HDC: variants seen among roughly 807,000 people sequenced by gnomAD.
The protein encoded by HDC is histidine decarboxylase.
HDC carries 27 observed loss-of-function variants against 64.4 expected under a neutral mutation model. The observed-to-expected ratio is 0.42, with a 90% confidence interval of 0.31 to 0.58. HDC has a LOEUF of 0.58. HDC is among the 20% of genes least tolerant of loss of function. The probability of loss-of-function intolerance (pLI) is 0.16; values close to 1 mark genes in which losing one functional copy is unlikely to be tolerated. For missense variants in HDC, 711 were observed against 833.9 expected, an observed-to-expected ratio of 0.85 and a Z score of 1.81; for synonymous variants, 305 against 314.2, an observed-to-expected ratio of 0.97 and a Z score of 0.31.
rs1186538777 is a variant in HDC at position 50,252,619 on chromosome 15, C to T, written c.943G>A (p.Gly315Arg). The T allele has an allele frequency of 6.2e-7, 1 of 1,614,124 alleles. No homozygotes were observed. ...CTGGGCTGCTACACTCACCAGAACC[C>T]AGTACAGTCAAAATGCACCATCATC... Reference protein sequence around the residue: ...KWMMVHFDCTGFWVKDKYKLQ... With the variant: ...KWMMVHFDCTRFWVKDKYKLQ... The change falls in exon 8 of 12, where the codon GGG becomes AGG. Residue 315 changes from glycine to arginine, a missense_variant. Gly to Arg is a moderately radical substitution (Grantham distance 125). Transcript: ENST00000267845.
rs751649716 is a variant in HDC, at chr15:50,252,467, A to C, written c.1004T>G (p.Leu335Arg). ...GGCCACGCCTGAGTTGGCATGCCTG[A>C]GGTAGATGGGATTCACACTGAAGGT... is the stretch of plus-strand genomic sequence containing the variant. The part of the protein sequence containing the change: ...QQTFSVNPIY[L>R]RHANSGVATD... Residue 335 changes from leucine (L) to arginine (R), a missense_variant, in exon 9 of 12, where the codon CTC becomes CGC. By Grantham distance (102) the Leu-to-Arg change is moderately radical. Around this residue, in one of 3 missense-constraint regions of HDC, gnomAD observed 483 missense variants for 540.9 expected, o/e 0.89. Transcript: ENST00000267845. 1 of 1,614,156 alleles carries C rather than the reference A, an allele frequency of 6.2e-7. No homozygotes were observed. Among genetic ancestry groups the C allele is most frequent in the Non-Finnish European group, 8.5e-7 (1 of 1,180,018 alleles).
intron 9 of HDC, among the ~76,000 whole-genome samples, chr15:50,251,964 G>A (rs1395192863): frequency 6.6e-6 from 1 of 152,182 alleles, no homozygotes; most frequent in African/African-American, 2.4e-5. Flanking sequence ...CACAAGTCCT[G>A]CAGCCCATCA....
At chr15:50,261,887 T>G (rs1374179625) in intron 2 of HDC, among the ~76,000 whole-genome samples, 2 of 152,040 alleles carry the variant, frequency 1.3e-5, no homozygotes, top group African/African-American at 2.4e-5. Flanking sequence ...TTTTGTATTT[T>G]TAGTAGAGAC....
In HDC at chr15:50,253,473, T is replaced by C; in HGVS notation, c.787+127A>G. 3.4e-6 allele frequency: 3 copies of C among 876,748 alleles called. No individual in the cohort carries two copies. The South Asian group carries it at 4.0e-5, about 12-fold the overall frequency. The allele number at this position is 876,748 out of a possible 1,614,324, so 54.3% of individuals were successfully genotyped here. ...GACCCTCATGACCTTTGGTGGTTCT[T>C]CCCATGTCTCTGCATTGACCAAAGA... On this transcript the variant is annotated intron_variant, in intron 7 of 11. Transcript: ENST00000267845.
Position 50,248,093 on chromosome 15 carries a change from G to C in HDC, c.1140+152C>G, listed in dbSNP as rs1241789405. 3 of 686,026 alleles carry C rather than the reference G, an allele frequency of 4.4e-6. No homozygotes were observed. Among genetic ancestry groups the C allele is most frequent in the African/African-American group, 3.5e-5 (2 of 56,600 alleles). 42.5% of individuals were successfully genotyped at this position (686,026 alleles called of 1,614,324 possible). ...TCAGCGCTCCTCTGGTTAACAAAGAGAATCAAGTCCCAGGAGCTGAGGAAC... is the reference window on the plus strand; with the variant it reads ...TCAGCGCTCCTCTGGTTAACAAAGACAATCAAGTCCCAGGAGCTGAGGAAC... On this transcript the variant is annotated intron_variant, in intron 10 of 11. Coordinates refer to ENST00000267845, the MANE Select transcript of HDC (RefSeq NM_002112.4). The surrounding 1 kb of genome is among the most constrained non-coding windows in gnomAD (Gnocchi z 4.3).
At chr15:50,251,766 A>T (rs1392929471) in intron 9 of HDC, among the ~76,000 whole-genome samples, 4 of 151,260 alleles carry the variant, frequency 2.6e-5, no homozygotes, top group Non-Finnish European at 5.9e-5. Context: ...TGGAAGGCGG[A>T]GGTTGCAGTG....
At chr15:50,244,285 CTTTTTTTTTTTTTTTT>C (rs554623599) in intron 10 of HDC, among the ~76,000 whole-genome samples, 1 of 105,176 alleles carries the variant, frequency 9.5e-6, no homozygotes, top group Non-Finnish European at 2.0e-5. Flanking sequence ...AGCTGAACCT[CTTTTTTTTTTTTTTTT>C]TTTTTTTTTT....
In HDC at chr15:50,242,707, A is replaced by G; in HGVS notation, c.1542T>C (p.Asp514=). The change falls in exon 12 of 12, where the codon GAT becomes GAC. Residue 514 remains aspartate, a synonymous_variant. Coordinates refer to ENST00000267845, the MANE Select transcript of HDC (RefSeq NM_002112.4). ...TGATCTTCCTGGCCTGGACTGGATC[A>G]TCTCCTGCCCCACTGACAGACTGAA... ...TSLQSVSGAG[D]DPVQARKIIK... The G allele has an allele frequency of 6.2e-7, 1 of 1,614,106 alleles. No individual in the cohort carries two copies. Among genetic ancestry groups the G allele is most frequent in the Non-Finnish European group, 8.5e-7 (1 of 1,180,018 alleles).
At chr15:50,253,281 C>G (rs1475541128) in intron 7 of HDC, 3 of 430,656 alleles carry the variant, frequency 7.0e-6, no homozygotes, top group Non-Finnish European at 1.3e-5. Flanking sequence ...CTAATTCACA[C>G]TGTATTTTGG....
chr15:50,246,293 T>G (rs1045014517), intron 10 of HDC, among the ~76,000 whole-genome samples: 1 of 152,212 alleles, frequency 6.6e-6, no homozygotes, highest in Non-Finnish European at 1.5e-5. Flanking sequence ...GTTGAAGAGA[T>G]AAAATCAAAT....
At chr15:50,246,815 C>T (rs2045488961) in intron 10 of HDC, among the ~76,000 whole-genome samples, 1 of 152,220 alleles carries the variant, frequency 6.6e-6, no homozygotes, top group Non-Finnish European at 1.5e-5. Flanking sequence ...CACAACCCTC[C>T]AGTCTTGAGT....
intron 5 of HDC, 39 bp downstream of exon 5, chr15:50,254,491 G>T (rs762350124): frequency 6.2e-7 from 1 of 1,613,904 alleles, no homozygotes; most frequent in Non-Finnish European, 8.5e-7. Flanking sequence ...CAGAAGCCAA[G>T]CACCAACCCG....
At chr15:50,247,653 G>T (rs1036077922) in intron 10 of HDC, among the ~76,000 whole-genome samples, 1 of 152,208 alleles carries the variant, frequency 6.6e-6, no homozygotes, top group African/African-American at 2.4e-5. Context: ...AAGAACATGG[G>T]AGAGAGGCTG....
In HDC at chr15:50,242,999, T is replaced by C. The variant is rs1164726097; in HGVS notation, c.1250A>G (p.Asn417Ser). 9 of 1,613,926 alleles carry C rather than the reference T, an allele frequency of 5.6e-6. No homozygotes were observed. The highest frequency in any genetic ancestry group is 7.6e-6 in the Non-Finnish European group (9 of 1,180,008). Residue 417 changes from asparagine to serine, a missense_variant, in exon 12 of 12, where the codon AAT becomes AGT. Around this residue, in one of 3 missense-constraint regions of HDC, gnomAD observed 483 missense variants for 540.9 expected, o/e 0.89. Transcript: ENST00000267845. ...CTTTAACACATTTTCTGTGAGACAA[T>C]TAGGACCCTGTTTGAAAAATAAAGG... ...GLVVFRLKGP[N>S]CLTENVLKEI...
Position 50,243,133 on chromosome 15 carries a change from A to G in HDC, c.1242+10T>C, listed in dbSNP as rs760970396. The G allele has an allele frequency of 6.2e-7, 1 of 1,612,198 alleles. No individual in the cohort carries two copies. The highest frequency in any genetic ancestry group is 1.1e-5 in the South Asian group (1 of 91,052). On this transcript the variant is annotated intron_variant, in intron 11 of 11. Transcript: ENST00000267845. ...CATCATTCACAGAGGGGCTTGGAAG[A>G]TGGTATTACCTTTAGACGAAAAACC...
At position 50,252,498 on chromosome 15, in the gene HDC, G is replaced by T; in HGVS notation, c.973C>A (p.Gln325Lys). 6.2e-7 allele frequency: 1 copy of T among 1,614,204 alleles called. No individual in the cohort carries two copies. Among genetic ancestry groups the T allele is most frequent in the Non-Finnish European group, 8.5e-7 (1 of 1,180,030 alleles). ...ATGGGATTCACACTGAAGGTCTGCT[G>T]CAGCTTGTACTTGTCCTTGACCCTG... is the stretch of plus-strand genomic sequence containing the variant. ...GFWVKDKYKL[Q>K]QTFSVNPIYL... The change falls in exon 9 of 12, where the codon CAG becomes AAG. Residue 325 changes from glutamine (Q) to lysine (K), a missense_variant. Transcript: ENST00000267845.
At chr15:50,244,178 C>T (rs1040397016) in intron 10 of HDC, among the ~76,000 whole-genome samples, 4 of 152,040 alleles carry the variant, frequency 2.6e-5, no homozygotes, top group Admixed American at 6.6e-5. Flanking sequence ...AAAAATTTCT[C>T]CAAGCATCCA....
intron 9 of HDC, 114 bp downstream of exon 9, chr15:50,252,316 C>T: frequency 2.5e-6 from 2 of 785,430 alleles, no homozygotes; most frequent in South Asian, 1.4e-5. Flanking sequence ...ATGAGATGAG[C>T]TCATAGTGTG....
rs750738762 is a variant in HDC at position 50,242,738 on chromosome 15, G to T, written c.1511C>A (p.Thr504Lys). 1 of 1,614,016 alleles carries T rather than the reference G, an allele frequency of 6.2e-7. No homozygotes were observed. The highest frequency in any genetic ancestry group is 1.3e-5 in the African/African-American group (1 of 75,048). The stretch of plus-strand genomic sequence containing the variant: ...TGCCCCACTGACAGACTGAAGGGAC[G>T]TTCCACAGGCCCAGGCTCTGGCACC... ...IRGARAWACG[T>K]SLQSVSGAGD... Residue 504 changes from threonine to lysine, a missense_variant, in exon 12 of 12, where the codon ACG becomes AAG. Physicochemically the swap from Thr to Lys is moderately conservative, Grantham distance 78 (BLOSUM62 -1). This residue lies in a region of HDC where 483 missense variants were observed against 540.9 expected (regional missense o/e 0.89). Coordinates refer to ENST00000267845, the MANE Select transcript of HDC (RefSeq NM_002112.4).
Sources: allele counts gnomAD v4.1 joint callset (sites outside exome capture counted in the v4.1 genomes callset), GRCh38; gene constraint gnomAD v4.1.1; regional missense constraint gnomAD v4.1.1; non-coding constraint Gnocchi (gnomAD v3.1); transcripts MANE v1.5; gene names NCBI Gene and HGNC (gene_info 2026-07-23, HGNC 2026-07-21).